The following PCDHGA8 variants were observed in gnomAD, a reference collection of about 807,000 sequenced individuals.
PCDHGA8 encodes protocadherin gamma-A8.
PCDHGA8 carries 45 observed loss-of-function variants against 59.2 expected under a neutral mutation model. That is an observed-to-expected ratio of 0.76 (90% CI 0.60 to 0.98). PCDHGA8 has a LOEUF of 0.98. Among genes scored for constraint, PCDHGA8 ranks in the 50% least tolerant of loss-of-function variants. The probability of loss-of-function intolerance (pLI) is 0.00; values close to 1 mark genes in which losing one functional copy is unlikely to be tolerated. For missense variants in PCDHGA8, 1,257 were observed against 1,196.2 expected, an observed-to-expected ratio of 1.05 and a Z score of -0.75; for synonymous variants, 531 against 519.0, an observed-to-expected ratio of 1.02 and a Z score of -0.32.
chr5:141,419,075 A>G, intron 1 of PCDHGA8: 1 of 1,613,968 alleles, frequency 6.2e-7, no homozygotes, highest in Non-Finnish European at 8.5e-7. Context: ...CAAGCTAGTA[A>G]CAGATGAGGC....
chr5:141,484,426 C>T (rs377504062), intron 1 of PCDHGA8, among the ~76,000 whole-genome samples: 1 of 152,188 alleles, frequency 6.6e-6, no homozygotes, highest in African/African-American at 2.4e-5. Context: ...ACAATGAGAA[C>T]ATGTACTGCA....
intron 1 of PCDHGA8, among the ~76,000 whole-genome samples, chr5:141,488,423 T>C (rs1204233986): frequency 2.0e-5 from 3 of 152,354 alleles, no homozygotes; most frequent in Non-Finnish European, 4.4e-5. Context: ...CCATCCATGC[T>C]TGGCCTCTGA....
chr5:141,492,499 C>T (rs2099741220), intron 1 of PCDHGA8, among the ~76,000 whole-genome samples: 1 of 152,198 alleles, frequency 6.6e-6, no homozygotes. Context: ...GGCGAGGACT[C>T]CGGAGCCTCC....
At chr5:141,492,952 C>T (rs1428667098) in intron 1 of PCDHGA8, among the ~76,000 whole-genome samples, 1 of 152,242 alleles carries the variant, frequency 6.6e-6, no homozygotes, top group Non-Finnish European at 1.5e-5. Context: ...GGTGACCAAA[C>T]TATCTGACAC....
intron 1 of PCDHGA8, among the ~76,000 whole-genome samples, chr5:141,464,193 A>C (rs991769179): frequency 1.3e-5 from 2 of 149,674 alleles, no homozygotes; most frequent in Non-Finnish European, 3.0e-5. Flanking sequence ...TGATTTCAGG[A>C]GGCGGAGATT....
chr5:141,415,883 G>A (rs2095968409), intron 1 of PCDHGA8: 1 of 983,982 alleles, frequency 1.0e-6, no homozygotes, highest in African/African-American at 1.7e-5. Context: ...GTACAATATT[G>A]ACAATTCCTA....
At chr5:141,478,483 G>A in intron 1 of PCDHGA8, 13 of 1,613,548 alleles carry the variant, frequency 8.1e-6, no homozygotes, top group Non-Finnish European at 1.1e-5. Flanking sequence ...AGAACACGCT[G>A]CGGAGCTGTG....
Position 141,399,777 on chromosome 5 carries a change from C to T in PCDHGA8, c.2424+4540C>T, listed in dbSNP as rs751610227. On this transcript the variant is annotated intron_variant, in intron 1 of 3. Transcript: ENST00000398604. ...TGAGCCTGCGCGTGTTGGTGGGCGA[C>T]CGAAACGACAACGCACCGCGGGTGC... The T allele has an allele frequency of 3.7e-6, 6 of 1,613,304 alleles. No homozygotes were observed. The Admixed American group carries it at 8.3e-5, about 22-fold the overall frequency.
intron 1 of PCDHGA8, among the ~76,000 whole-genome samples, chr5:141,406,188 T>C (rs1313997032): frequency 6.6e-6 from 1 of 151,612 alleles, no homozygotes; most frequent in African/African-American, 2.4e-5. Flanking sequence ...TCCTCCCACC[T>C]CAGCCTTCAC....
At position 141,491,098 on chromosome 5, in the gene PCDHGA8, C is replaced by A. The variant is rs1283499077; in HGVS notation, c.2425-3709C>A. ...ACAGTCCACAGCCCCAGGACTGTTC[C>A]TCGTGTCTACACACACTGGTGAGGT... On this transcript the variant is annotated intron_variant, in intron 1 of 3. Coordinates refer to ENST00000398604, the MANE Select transcript of PCDHGA8 (RefSeq NM_032088.2). This position sits in a 1 kb window ranked among gnomAD's most constrained non-coding sequence, Gnocchi z 6.9. 6.2e-7 allele frequency: 1 copy of A among 1,614,216 alleles called. No individual in the cohort carries two copies. Among genetic ancestry groups the A allele is most frequent in the Non-Finnish European group, 8.5e-7 (1 of 1,180,038 alleles).
At chr5:141,468,871 T>TAAG (rs796694379) in intron 1 of PCDHGA8, among the ~76,000 whole-genome samples, 1 of 148,338 alleles carries the variant, frequency 6.7e-6, no homozygotes, top group African/African-American at 2.5e-5. Flanking sequence ...ATCTCAAAAA[T>TAAG]AATAATAATA....
At chr5:141,451,557 G>T (rs192150041) in intron 1 of PCDHGA8, among the ~76,000 whole-genome samples, 2 of 152,234 alleles carry the variant, frequency 1.3e-5, no homozygotes, top group East Asian at 3.9e-4. Context: ...TGTGATGAAA[G>T]CCACAATCTT....
chr5:141,399,091 G>A (rs1299050213), intron 1 of PCDHGA8: 2 of 1,613,762 alleles, frequency 1.2e-6, no homozygotes, highest in South Asian at 1.1e-5. Context: ...GGATGGTGGT[G>A]GACTGGTTGC....
chr5:141,393,472 C>T lies in PCDHGA8; in HGVS notation c.659C>T (p.Pro220Leu), dbSNP rs575533120. The change falls in exon 1 of 4, where the codon CCG becomes CTG. Residue 220 changes from proline (P) to leucine (L), a missense_variant. Coordinates refer to ENST00000398604, the MANE Select transcript of PCDHGA8 (RefSeq NM_032088.2). ...CTCACGGCCTCGGATGGCGGCAAGC[C>T]GCCTCGCTCTAGCACAGTGCGCATC... ...LVLTASDGGKPPRSSTVRIHV... is the reference protein window; with the variant it reads ...LVLTASDGGKLPRSSTVRIHV... 3.5e-5 allele frequency: 57 copies of T among 1,614,022 alleles called. 2 individuals carry two copies. The South Asian group carries it at 4.2e-4, about 12-fold the overall frequency.
At chr5:141,428,129 C>G (rs1449809875) in intron 1 of PCDHGA8, 1 of 1,603,218 alleles carries the variant, frequency 6.2e-7, no homozygotes, top group Non-Finnish European at 8.5e-7. Context: ...CCGGGCTTTT[C>G]AGCCTGGGGC....
rs2099883697 is a variant in PCDHGA8, at chr5:141,511,284, G to T, written c.*111G>T. On this transcript the variant is annotated 3_prime_UTR_variant, in exon 4 of 4. Coordinates refer to ENST00000398604, the MANE Select transcript of PCDHGA8 (RefSeq NM_032088.2). ...AGGGCTAACCCCCAGAATACTGGTA[G>T]GGGCCAAGGCCATGCTCCCCTTGGG... 6.5e-7 allele frequency: 1 copy of T among 1,528,258 alleles called. No homozygotes were observed. Among genetic ancestry groups the T allele is most frequent in the African/African-American group, 1.4e-5 (1 of 72,674 alleles). 94.7% of individuals were successfully genotyped at this position (1,528,258 alleles called of 1,614,324 possible). A position where few individuals can be genotyped will look rare whatever the true frequency, so the allele number is the denominator to read the frequency against.
At chr5:141,479,535 G>A (rs539785154) in intron 1 of PCDHGA8, 2 of 152,378 alleles carry the variant, frequency 1.3e-5, no homozygotes, top group Non-Finnish European at 2.9e-5. Context: ...AAGTGGAGAA[G>A]GTCAAAACTG....
rs1349935659 is a variant in PCDHGA8 at position 141,507,722 on chromosome 5, A to C, written c.2572+2241A>C. 6.6e-5 allele frequency among the ~76,000 whole-genome samples: 10 copies of C among 152,354 alleles called. No homozygotes were observed. In the East Asian group the frequency reaches 1.9e-3, roughly 29 times the overall value. ...ATTTATGGCCCCAAACCCTCCAAGC[A>C]AGTCATGCAGCTCGTTCCCCTGTCA... On this transcript the variant is annotated intron_variant, in intron 3 of 3. Coordinates refer to ENST00000398604, the MANE Select transcript of PCDHGA8 (RefSeq NM_032088.2).
In PCDHGA8 at chr5:141,409,025, G is replaced by T. The variant is rs202094928; in HGVS notation, c.2424+13788G>T. Reference sequence around the variant, plus strand: ...CACTGACCAGGATGAGGGGGTCAATGCTGAGATAAACTACTACTTCCGAAG... The same window carrying T: ...CACTGACCAGGATGAGGGGGTCAATTCTGAGATAAACTACTACTTCCGAAG... On this transcript the variant is annotated intron_variant, in intron 1 of 3. Coordinates refer to ENST00000398604, the MANE Select transcript of PCDHGA8 (RefSeq NM_032088.2). 2.9e-3 allele frequency: 4,667 copies of T among 1,614,008 alleles called. 11 individuals are homozygous for T. The highest frequency in any genetic ancestry group is 3.6e-3 in the Non-Finnish European group (4,254 of 1,179,906).
Sources: gnomAD v4.1 joint callset for allele counts (sites outside exome capture counted in the v4.1 genomes callset) on GRCh38, gnomAD v4.1.1 for gene constraint, Gnocchi (gnomAD v3.1) non-coding constraint, MANE v1.5 for transcripts, NCBI Gene and HGNC (gene_info 2026-07-23, HGNC 2026-07-21) for gene names.